Variants in MCOLN3 observed in about 807,000 individuals in gnomAD.
The protein encoded by MCOLN3 is mucolipin TRP cation channel 3, also known as mucolipin-3.
In MCOLN3, 62 loss-of-function variants were observed where a neutral mutation model predicts 69.4. The ratio of observed to expected loss-of-function variants is 0.89; its 90% CI spans 0.73 to 1.10. MCOLN3 has a LOEUF of 1.10. Ranked by LOEUF, MCOLN3 falls within the 50% of genes least tolerant of loss-of-function variation. MCOLN3 has a pLI of 0.00. For missense variants in MCOLN3, 564 were observed against 656.4 expected (o/e 0.86, Z 1.54); for synonymous variants, 183 against 217.0 (o/e 0.84, Z 1.38).
At chr1:85,040,927 A>C in intron 3 of MCOLN3, 83 bp downstream of exon 3, 4 of 1,317,072 alleles carry the variant, frequency 3.0e-6, no homozygotes, top group Non-Finnish European at 4.2e-6. Flanking sequence ...CTCCACTTGA[A>C]TGTCAGTTTC....
chr1:85,027,531 T>G (rs756087334), intron 7 of MCOLN3, among the ~76,000 whole-genome samples: 7 of 152,120 alleles, frequency 4.6e-5, no homozygotes, highest in Non-Finnish European at 7.4e-5. Context: ...TTCTTGGCAT[T>G]TTTTGGGAGC....
At chr1:85,042,096 G>C (rs1653100527) in intron 2 of MCOLN3, among the ~76,000 whole-genome samples, 1 of 152,066 alleles carries the variant, frequency 6.6e-6, no homozygotes, top group Non-Finnish European at 1.5e-5. Context: ...ATGGAAGGCG[G>C]GAACAATGTT....
In MCOLN3 at chr1:85,022,299, G is replaced by A. The variant is rs138459312; in HGVS notation, c.1197C>T (p.Asn399=). 48 of 1,613,684 alleles carry A rather than the reference G, an allele frequency of 3.0e-5. No homozygotes were observed. The African/African-American group carries it at 4.3e-4, about 14-fold the overall frequency. Reference sequence around the variant, plus strand: ...CATGGAGATCCGTGGAATTCCTTACGTTGTACTTTGCAAAGAAACCGAGGT... The same window carrying A: ...CATGGAGATCCGTGGAATTCCTTACATTGTACTTTGCAAAGAAACCGAGGT... ...IRYLGFFAKY[N]LLILTLQAAL... Residue 399 remains asparagine, a splice_region_variant and synonymous_variant, in exon 10 of 13, where the codon AAC becomes AAT. Transcript: ENST00000370589.
chr1:85,033,001 A>G lies in MCOLN3; in HGVS notation c.551-45T>C, dbSNP rs1404788013. ...AAACATGATACAGTACTTAAATAAG[A>G]CTGCATTTTGAAAGGCTGATACATT... is the stretch of plus-strand genomic sequence containing the variant. On this transcript the variant is annotated intron_variant, in intron 4 of 12. Transcript: ENST00000370589. The G allele has an allele frequency of 7.2e-6, 11 of 1,517,644 alleles. No homozygotes were observed. The Middle Eastern group carries it at 8.5e-4, about 118-fold the overall frequency. 94.0% of individuals were successfully genotyped at this position (1,517,644 alleles called of 1,614,324 possible). A position where few individuals can be genotyped will look rare whatever the true frequency, so the allele number is the denominator to read the frequency against.
At chr1:85,033,388 CCA>C (rs1357581804) in intron 4 of MCOLN3, among the ~76,000 whole-genome samples, 1 of 151,880 alleles carries the variant, frequency 6.6e-6, no homozygotes, top group African/African-American at 2.4e-5. Flanking sequence ...AATAGACATC[CCA>C]CACACACACC....
chr1:85,034,387 G>T, intron 3 of MCOLN3, 136 bp from the exon 4 acceptor site: 1 of 796,648 alleles, frequency 1.3e-6, no homozygotes, highest in Non-Finnish European at 2.0e-6. Context: ...AACAGGGTAA[G>T]TGACTTGCTG....
At chr1:85,047,915 G>GC (rs1653454870) in intron 1 of MCOLN3, among the ~76,000 whole-genome samples, 1 of 152,200 alleles carries the variant, frequency 6.6e-6, no homozygotes, top group South Asian at 2.1e-4. Context: ...TTCAGCCAGC[G>GC]CAGCGACCCG....
chr1:85,027,047 C>A (rs928736175), intron 7 of MCOLN3, among the ~76,000 whole-genome samples: 2 of 151,966 alleles, frequency 1.3e-5, no homozygotes, highest in Non-Finnish European at 1.5e-5. Context: ...AGCCACCATG[C>A]CCAGGCCCAT....
chr1:85,025,508 G>A (rs1244292339), intron 9 of MCOLN3: 6 of 154,182 alleles, frequency 3.9e-5, no homozygotes, highest in Non-Finnish European at 1.4e-5. Flanking sequence ...ATGCAAGCAT[G>A]CACACCATAG....
intron 1 of MCOLN3, among the ~76,000 whole-genome samples, chr1:85,048,122 CGAG>C (rs1653474420): frequency 6.6e-6 from 1 of 152,200 alleles, no homozygotes; most frequent in African/African-American, 2.4e-5. Flanking sequence ...GGAGGGGGAC[CGAG>C]GAGCAGAGCA....
intron 2 of MCOLN3, among the ~76,000 whole-genome samples, chr1:85,041,391 G>T (rs6576744): frequency 1 from 152,026 of 152,344 alleles, 75,856 homozygotes; most frequent in Middle Eastern, 1. Flanking sequence ...ACCATGACAG[G>T]AAGACCAAAA....
chr1:85,041,867 T>C, intron 2 of MCOLN3, among the ~76,000 whole-genome samples: 1 of 82,540 alleles, frequency 1.2e-5, no homozygotes, highest in Non-Finnish European at 2.3e-5. Context: ...CGAAACTACG[T>C]CTCAAAAAAA....
At chr1:85,033,468 A>C (rs1652640819) in intron 4 of MCOLN3, among the ~76,000 whole-genome samples, 1 of 152,196 alleles carries the variant, frequency 6.6e-6, no homozygotes, top group South Asian at 2.1e-4. Context: ...TCTCTAGAAA[A>C]AAAAATCCTA....
At chr1:85,038,765 C>CAGAT (rs1652921016) in intron 3 of MCOLN3, among the ~76,000 whole-genome samples, 1 of 152,020 alleles carries the variant, frequency 6.6e-6, no homozygotes, top group East Asian at 1.9e-4. Flanking sequence ...CCAAGGCGGG[C>CAGAT]AGATCACTTG....
Position 85,045,174 on chromosome 1 carries a change from G to A in MCOLN3, c.187C>T (p.Leu63Phe). The A allele has an allele frequency of 6.2e-7, 1 of 1,613,952 alleles. No individual in the cohort carries two copies. Among genetic ancestry groups the A allele is most frequent in the Non-Finnish European group, 8.5e-7 (1 of 1,179,994 alleles). The change falls in exon 2 of 13, where the codon CTT becomes TTT. Residue 63 changes from leucine to phenylalanine, a missense_variant. Leu to Phe is a conservative substitution (Grantham distance 22). Transcript: ENST00000370589. ...FWARGRKPWK[L>F]AIQILKIAMV... ...GCAATTTTTAGAATTTGTATGGCAA[G>A]TTTCCATGGTTTTCTACCTCGAGCC...
intron 6 of MCOLN3, among the ~76,000 whole-genome samples, chr1:85,031,665 T>C (rs1330699200): frequency 6.6e-6 from 1 of 152,162 alleles, no homozygotes; most frequent in South Asian, 2.1e-4. Flanking sequence ...TAATACCAGA[T>C]ACAAACTGGG....
At chr1:85,030,972 G>C (rs770371018) in intron 6 of MCOLN3, among the ~76,000 whole-genome samples, 6 of 152,088 alleles carry the variant, frequency 3.9e-5, no homozygotes, top group South Asian at 2.1e-4. Flanking sequence ...TTCGTTAATA[G>C]GTATAGAGAT....
intron 12 of MCOLN3, among the ~76,000 whole-genome samples, chr1:85,020,140 C>T (rs570020428): frequency 4.3e-4 from 65 of 152,198 alleles, no homozygotes; most frequent in Non-Finnish European, 7.5e-4. Context: ...TCTGAAGTTA[C>T]AACTACATTC....
chr1:85,019,408 T>A, intron 12 of MCOLN3, 151 bp from the exon 13 acceptor site: 1 of 731,306 alleles, frequency 1.4e-6, no homozygotes, highest in Non-Finnish European at 2.2e-6. Flanking sequence ...ATGTAGCCTC[T>A]AGAGTCACTC....
Sources: allele counts gnomAD v4.1 joint callset (sites outside exome capture counted in the v4.1 genomes callset), GRCh38; gene constraint gnomAD v4.1.1; transcripts MANE v1.5; gene names NCBI Gene and HGNC (gene_info 2026-07-23, HGNC 2026-07-21).